RHOBTB3: variants seen among roughly 807,000 people sequenced by gnomAD.
RHOBTB3 encodes Rho related BTB domain containing 3.
A neutral mutation model predicts 67.2 loss-of-function variants in RHOBTB3; 47 were observed. The ratio of observed to expected loss-of-function variants is 0.70; its 90% CI spans 0.55 to 0.89. The LOEUF (loss-of-function observed/expected upper bound fraction) is 0.89, where lower values mean the gene tolerates loss of function less well. Ranked by LOEUF, RHOBTB3 falls within the 40% of genes least tolerant of loss-of-function variation. The pLI, the probability that RHOBTB3 is intolerant of heterozygous loss-of-function variation, is 0.00. For synonymous variants in RHOBTB3, 273 were observed against 274.2 expected (o/e 1.00, Z 0.04); for missense variants, 631 against 750.0 (o/e 0.84, Z 1.85).
intron 8 of RHOBTB3, among the ~76,000 whole-genome samples, chr5:95,777,696 CAG>C (rs1745930068): frequency 6.6e-6 from 1 of 152,112 alleles, no homozygotes; most frequent in Non-Finnish European, 1.5e-5. Context: ...AGTTTCACAA[CAG>C]AACAATTTAT....
upstream of RHOBTB3, among the ~76,000 whole-genome samples, chr5:95,728,927 A>G (rs1485899310): frequency 6.6e-6 from 1 of 152,230 alleles, no homozygotes. Flanking sequence ...ATAATGCACT[A>G]GCATGCTAAA....
chr5:95,720,964 G>C (rs1754852754), intron 1 of RHOBTB3, among the ~76,000 whole-genome samples: 1 of 152,142 alleles, frequency 6.6e-6, no homozygotes, highest in Non-Finnish European at 1.5e-5. Context: ...TTCTTCTTAT[G>C]ATTTGTCAGT....
intron 2 of RHOBTB3, among the ~76,000 whole-genome samples, chr5:95,735,239 G>A (rs1755425427): frequency 7.2e-6 from 1 of 139,850 alleles, no homozygotes. Context: ...TGCCTTTGTT[G>A]TTTATAGTCC....
intron 4 of RHOBTB3, among the ~76,000 whole-genome samples, chr5:95,749,328 T>C (rs1031715195): frequency 1.3e-5 from 2 of 152,236 alleles, no homozygotes; most frequent in Non-Finnish European, 2.9e-5. Flanking sequence ...CAATATTCAT[T>C]ATGTAAATTC....
At chr5:95,718,879 G>C (rs1754771601) in intron 1 of RHOBTB3, among the ~76,000 whole-genome samples, 1 of 152,266 alleles carries the variant, frequency 6.6e-6, no homozygotes, top group African/African-American at 2.4e-5. Context: ...TCCCAGGAGA[G>C]CACAAGCAGG....
rs143885296 is a variant in RHOBTB3 at position 95,748,193 on chromosome 5, T to C, written c.416-140T>C. Reference sequence around the variant, plus strand: ...TCATTGACACTTTGTATTCAGAGTTTAGTGGGTAGTGGATATACTGAATGC... The same window carrying C: ...TCATTGACACTTTGTATTCAGAGTTCAGTGGGTAGTGGATATACTGAATGC... On this transcript the variant is annotated intron_variant, in intron 3 of 11. Coordinates refer to ENST00000379982, the MANE Select transcript of RHOBTB3 (RefSeq NM_014899.4). 917 of 448,704 alleles carry C rather than the reference T, an allele frequency of 2.0e-3. 2 individuals are homozygous for C. The highest frequency in any genetic ancestry group is 0.017 in the African/African-American group (849 of 50,180). The allele number at this position is 448,704 out of a possible 1,614,324, so 27.8% of individuals were successfully genotyped here. A position where few individuals can be genotyped will look rare whatever the true frequency, so the allele number is the denominator to read the frequency against.
In RHOBTB3 at chr5:95,736,941, A is replaced by T; in HGVS notation, c.281A>T (p.Asp94Val). ...YTSRNLIGGA[D>V]IIVIKYNVND... ...TCTCGAAATCTAATTGGGGGCGCTGACATCATTGTGATCAAATACAACGTT... is the reference window on the plus strand; with the variant it reads ...TCTCGAAATCTAATTGGGGGCGCTGTCATCATTGTGATCAAATACAACGTT... The change falls in exon 3 of 12, where the codon GAC (aspartate) becomes GTC (valine). Residue 94 changes from aspartate (D) to valine (V), a missense_variant. Asp to Val is a radical substitution (Grantham distance 152). Transcript: ENST00000379982. 2 of 1,612,976 alleles carry T rather than the reference A, an allele frequency of 1.2e-6. No individual in the cohort carries two copies. Among genetic ancestry groups the T allele is most frequent in the Non-Finnish European group, 1.7e-6 (2 of 1,179,580 alleles).
chr5:95,792,046 A>G lies in RHOBTB3; in HGVS notation c.1721-1013A>G, dbSNP rs115984907. Among the ~76,000 whole-genome samples, 961 of 152,238 alleles carry G rather than the reference A, an allele frequency of 6.3e-3. 12 individuals carry two copies. Among genetic ancestry groups the G allele is most frequent in the African/African-American group, 0.022 (927 of 41,530 alleles). On this transcript the variant is annotated intron_variant, in intron 11 of 11. Coordinates refer to ENST00000379982, the MANE Select transcript of RHOBTB3 (RefSeq NM_014899.4). Reference sequence around the variant, plus strand: ...ACCTAGAGAATGAACAAAGCGAAGGACCTGGAGTTCAAGAATGGAGGGATC... The same window carrying G: ...ACCTAGAGAATGAACAAAGCGAAGGGCCTGGAGTTCAAGAATGGAGGGATC...
At chr5:95,773,020 A>G (rs993148752) in intron 8 of RHOBTB3, among the ~76,000 whole-genome samples, 4 of 152,222 alleles carry the variant, frequency 2.6e-5, no homozygotes, top group Non-Finnish European at 4.4e-5. Context: ...TAAAATAGCT[A>G]CCAAATTTGC....
intron 3 of RHOBTB3, among the ~76,000 whole-genome samples, chr5:95,740,930 AT>A (rs1755576687): frequency 6.6e-6 from 1 of 152,168 alleles, no homozygotes; most frequent in African/African-American, 2.4e-5. Flanking sequence ...TTTATTCCTA[AT>A]TACTTTAGCA....
At chr5:95,758,063 G>C (rs1243989176) in intron 6 of RHOBTB3, among the ~76,000 whole-genome samples, 2 of 152,124 alleles carry the variant, frequency 1.3e-5, no homozygotes, top group African/African-American at 4.8e-5. Flanking sequence ...TATTCAGTAG[G>C]CTTCCACAAT....
intron 8 of RHOBTB3, among the ~76,000 whole-genome samples, chr5:95,778,098 G>T (rs921097014): frequency 8.0e-5 from 12 of 150,634 alleles, no homozygotes; most frequent in African/African-American, 2.7e-4. Context: ...CAGCCTGGAC[G>T]ACAAAGCAAG....
At chr5:95,729,435 G>T (rs1277861796), upstream of RHOBTB3, among the ~76,000 whole-genome samples, 1 of 152,012 alleles carries the variant, frequency 6.6e-6, no homozygotes, top group Admixed American at 6.5e-5. Context: ...AGCAACTTTG[G>T]TGTCTATTTT....
rs533355940 is a variant in RHOBTB3 at position 95,739,320 on chromosome 5, GCATTCTAGTCATTTAGTTATTTGT to G, written c.415+2249_415+2272del. On this transcript the variant is annotated intron_variant, in intron 3 of 11. Coordinates refer to ENST00000379982, the MANE Select transcript of RHOBTB3 (RefSeq NM_014899.4). ...TTTCTCTTCATCTCCATTGGATTTC[GCATTCTAGTCATTTAGTTATTTGT>G]CATGGTGGCCTTCTTTTTGGTCTCT... Among the ~76,000 whole-genome samples the G allele has an allele frequency of 1.6e-3, 246 of 152,112 alleles. 1 individual carries two copies. The highest frequency in any genetic ancestry group is 5.5e-3 in the African/African-American group (229 of 41,492).
intron 5 of RHOBTB3, among the ~76,000 whole-genome samples, chr5:95,753,941 T>C (rs1561446005): frequency 6.6e-6 from 1 of 151,754 alleles, no homozygotes; most frequent in Non-Finnish European, 1.5e-5. Flanking sequence ...GAAACCCCGT[T>C]TCTACTAAAA....
At position 95,793,195 on chromosome 5, in the gene RHOBTB3, C is replaced by T. The variant is rs769976895; in HGVS notation, c.*21C>T. 30 of 1,453,504 alleles carry T rather than the reference C, an allele frequency of 2.1e-5. No individual in the cohort carries two copies. In the East Asian group the frequency reaches 6.9e-4, roughly 34 times the overall value. The allele number at this position is 1,453,504 out of a possible 1,614,324, so 90.0% of individuals were successfully genotyped here. A position where few individuals can be genotyped will look rare whatever the true frequency, so the allele number is the denominator to read the frequency against. Reference sequence around the variant, plus strand: ...TGTAACCTGGAGCTTTTATACACTACATTTCTTTTTTATTATTATGAAGAA... The same window carrying T: ...TGTAACCTGGAGCTTTTATACACTATATTTCTTTTTTATTATTATGAAGAA... On this transcript the variant is annotated 3_prime_UTR_variant, in exon 12 of 12. Transcript: ENST00000379982.
At chr5:95,753,963 A>T (rs968383752) in intron 5 of RHOBTB3, among the ~76,000 whole-genome samples, 3 of 152,096 alleles carry the variant, frequency 2.0e-5, no homozygotes, top group African/African-American at 7.2e-5. Flanking sequence ...TACAAAAATT[A>T]GCCGGGCATG....
intron 5 of RHOBTB3, among the ~76,000 whole-genome samples, chr5:95,753,115 C>A (rs1745139130): frequency 6.6e-6 from 1 of 151,158 alleles, no homozygotes; most frequent in South Asian, 2.1e-4. Context: ...CTGGCCTGGG[C>A]GACAGAGCAA....
At chr5:95,727,720 C>CT (rs1471666029), upstream of RHOBTB3, among the ~76,000 whole-genome samples, 4 of 152,216 alleles carry the variant, frequency 2.6e-5, no homozygotes, top group East Asian at 7.7e-4. Flanking sequence ...AGGGAAATAA[C>CT]TTTAAAAAAG....
Sources: gnomAD v4.1 joint callset for allele counts (sites outside exome capture counted in the v4.1 genomes callset) on GRCh38, gnomAD v4.1.1 for gene constraint, MANE v1.5 for transcripts, NCBI Gene and HGNC (gene_info 2026-07-23, HGNC 2026-07-21) for gene names.